PARD3: variants seen among roughly 807,000 people sequenced by gnomAD.
PARD3 encodes par-3 family cell polarity regulator.
Under a neutral mutation model 155.4 loss-of-function variants are expected in PARD3, and 75 were observed. The ratio of observed to expected loss-of-function variants is 0.48; its 90% CI spans 0.40 to 0.58. The LOEUF is 0.58. Among genes scored for constraint, PARD3 ranks in the 20% least tolerant of loss-of-function variants. The pLI, the probability that PARD3 is intolerant of heterozygous loss-of-function variation, is 0.00. For missense variants in PARD3, 1,642 were observed against 1,721.7 expected, an observed-to-expected ratio of 0.95 and a Z score of 0.82; for synonymous variants, 576 against 610.5, an observed-to-expected ratio of 0.94 and a Z score of 0.83.
At chr10:34,323,369 A>G (rs1368279413) in intron 19 of PARD3, among the ~76,000 whole-genome samples, 1 of 151,394 alleles carries the variant, frequency 6.6e-6, no homozygotes, top group Admixed American at 6.6e-5. Context: ...AGCTGGCATG[A>G]AACAGGAAGA....
At chr10:34,409,026 G>A (rs1283506289) in intron 5 of PARD3, among the ~76,000 whole-genome samples, 1 of 152,074 alleles carries the variant, frequency 6.6e-6, no homozygotes, top group East Asian at 1.9e-4. Context: ...TTCAGCGCCT[G>A]TGATGTAATC....
intron 2 of PARD3, among the ~76,000 whole-genome samples, chr10:34,531,216 G>A (rs920004155): frequency 2.0e-5 from 3 of 152,102 alleles, no homozygotes; most frequent in African/African-American, 7.2e-5. Context: ...ATCTTTTGCT[G>A]GCATTTTTTC....
At chr10:34,493,688 T>C (rs1350216180) in intron 3 of PARD3, among the ~76,000 whole-genome samples, 1 of 150,986 alleles carries the variant, frequency 6.6e-6, no homozygotes, top group Non-Finnish European at 1.5e-5. Flanking sequence ...TCCAAGATAG[T>C]GCCATTGCAC....
At chr10:34,560,904 T>C (rs2085414665) in intron 2 of PARD3, among the ~76,000 whole-genome samples, 1 of 152,164 alleles carries the variant, frequency 6.6e-6, no homozygotes, top group Non-Finnish European at 1.5e-5. Flanking sequence ...CATGCAAAAA[T>C]GTCAGAACTG....
intron 2 of PARD3, among the ~76,000 whole-genome samples, chr10:34,517,867 T>A (rs192733344): frequency 6.6e-6 from 1 of 152,124 alleles, no homozygotes; most frequent in East Asian, 1.9e-4. Context: ...GAGCTCAGTT[T>A]TTGTTTGTTT....
chr10:34,806,781 C>G (rs992056739), intron 1 of PARD3, among the ~76,000 whole-genome samples: 1 of 152,276 alleles, frequency 6.6e-6, no homozygotes, highest in South Asian at 2.1e-4. Flanking sequence ...CCTGTATAAC[C>G]ATCTGAAAAG....
chr10:34,679,586 T>C (rs2093774075), intron 2 of PARD3, among the ~76,000 whole-genome samples: 1 of 152,184 alleles, frequency 6.6e-6, no homozygotes, highest in African/African-American at 2.4e-5. Context: ...CATATTTTAC[T>C]CAGAGAAACA....
chr10:34,227,725 G>A (rs890586702), intron 22 of PARD3, among the ~76,000 whole-genome samples: 1 of 151,254 alleles, frequency 6.6e-6, no homozygotes, highest in African/African-American at 2.4e-5. Context: ...CTGCTGGAAG[G>A]AATGTAAATT....
chr10:34,514,543 G>C (rs750060887), intron 3 of PARD3, among the ~76,000 whole-genome samples: 5 of 152,186 alleles, frequency 3.3e-5, no homozygotes, highest in Non-Finnish European at 5.9e-5. Flanking sequence ...CCTGTGTATA[G>C]TAGATGCTTA....
At chr10:34,450,476 T>G (rs1449997172) in intron 4 of PARD3, 28 bp from the exon 5 acceptor site, 1 of 1,595,190 alleles carries the variant, frequency 6.3e-7, no homozygotes, top group Non-Finnish European at 8.5e-7. Flanking sequence ...AAAAGGTGTC[T>G]TGTAAAAAAC....
chr10:34,803,567 G>C (rs1843038019), intron 1 of PARD3, among the ~76,000 whole-genome samples: 1 of 152,162 alleles, frequency 6.6e-6, no homozygotes. Context: ...AAGGCAGGCG[G>C]ATGACTTTAG....
intron 4 of PARD3, among the ~76,000 whole-genome samples, chr10:34,456,258 A>G (rs773941): frequency 0.054 from 8,204 of 152,256 alleles, 247 homozygotes; most frequent in African/African-American, 0.087. Context: ...GCACCTCTTT[A>G]GCTCAAATTA....
chr10:34,191,788 G>A (rs899637544), intron 22 of PARD3, among the ~76,000 whole-genome samples: 6 of 152,110 alleles, frequency 3.9e-5, no homozygotes, highest in East Asian at 1.9e-4. Flanking sequence ...CAGTCTCAGC[G>A]TCATTTTCTA....
intron 5 of PARD3, among the ~76,000 whole-genome samples, chr10:34,425,464 T>C (rs1321872953): frequency 3.3e-5 from 5 of 152,152 alleles, no homozygotes; most frequent in Non-Finnish European, 5.9e-5. Flanking sequence ...GGCACAATCA[T>C]AGCTCACTGC....
intron 22 of PARD3, among the ~76,000 whole-genome samples, chr10:34,193,921 T>C (rs1206634458): frequency 6.6e-6 from 1 of 152,202 alleles, no homozygotes; most frequent in Non-Finnish European, 1.5e-5. Flanking sequence ...CTCCTCCTCC[T>C]GTGACCCTGG....
chr10:34,651,112 G>A (rs528808880), intron 2 of PARD3, among the ~76,000 whole-genome samples: 58 of 142,936 alleles, frequency 4.1e-4, no homozygotes, highest in Non-Finnish European at 5.9e-4. Context: ...AATCACAGCC[G>A]CCCGCACAAG....
At chr10:34,592,650 C>A (rs551948089) in intron 2 of PARD3, among the ~76,000 whole-genome samples, 10 of 152,266 alleles carry the variant, frequency 6.6e-5, no homozygotes, top group Middle Eastern at 6.8e-3. Flanking sequence ...GTGGCACACA[C>A]CTGTAGTCCC....
intron 4 of PARD3, among the ~76,000 whole-genome samples, chr10:34,458,860 T>C (rs1010135981): frequency 3.9e-4 from 59 of 152,196 alleles, no homozygotes; most frequent in Non-Finnish European, 2.1e-4. Flanking sequence ...GGCCCCTGAA[T>C]TCCCCTAGAG....
chr10:34,263,482 C>A, intron 22 of PARD3, among the ~76,000 whole-genome samples: 1 of 151,856 alleles, frequency 6.6e-6, no homozygotes, highest in Middle Eastern at 3.2e-3. Context: ...CATAGTGAGA[C>A]CCCATCTGTA....
Sources: gnomAD v4.1 joint callset for allele counts (sites outside exome capture counted in the v4.1 genomes callset) on GRCh38, gnomAD v4.1.1 for gene constraint, MANE v1.5 for transcripts, NCBI Gene and HGNC (gene_info 2026-07-23, HGNC 2026-07-21) for gene names.